Variants in ARHGAP10 observed in about 807,000 individuals in gnomAD.
ARHGAP10 encodes rho GTPase-activating protein 10.
In ARHGAP10, 87 loss-of-function variants were observed where a neutral mutation model predicts 108.6. The observed-to-expected ratio is 0.80, with a 90% CI of 0.67 to 0.96. The LOEUF (loss-of-function observed/expected upper bound fraction) is 0.96, where lower values mean the gene tolerates loss of function less well. ARHGAP10 is among the 40% of genes least tolerant of loss of function. ARHGAP10 has a pLI of 0.00. For missense variants in ARHGAP10, 939 were observed against 954.5 expected, an observed-to-expected ratio of 0.98 and a Z score of 0.21; for synonymous variants, 347 against 341.1, an observed-to-expected ratio of 1.02 and a Z score of -0.19.
intron 8 of ARHGAP10, 152 bp from the exon 9 acceptor site, chr4:147,879,080 T>G: frequency 1.9e-6 from 1 of 537,660 alleles, no homozygotes; most frequent in South Asian, 3.2e-5. Flanking sequence ...TCCCCTCTTC[T>G]TCTTAGAACT....
At chr4:147,940,460 C>G (rs1027520779) in intron 14 of ARHGAP10, among the ~76,000 whole-genome samples, 4 of 152,110 alleles carry the variant, frequency 2.6e-5, no homozygotes, top group Non-Finnish European at 4.4e-5. Context: ...ATTTCATTAC[C>G]CCAGACATTA....
At chr4:147,988,713 G>C (rs1740138105) in intron 18 of ARHGAP10, among the ~76,000 whole-genome samples, 1 of 152,216 alleles carries the variant, frequency 6.6e-6, no homozygotes, top group African/African-American at 2.4e-5. Context: ...CATTTCTTCA[G>C]AGTCAGCCTT....
At chr4:147,947,665 A>G (rs1738439247) in intron 15 of ARHGAP10, among the ~76,000 whole-genome samples, 1 of 151,934 alleles carries the variant, frequency 6.6e-6, no homozygotes, top group Non-Finnish European at 1.5e-5. Flanking sequence ...GGCCTCCCAA[A>G]GTCCTGGGAT....
rs558984337 is a variant in ARHGAP10 at position 147,960,687 on chromosome 4, G to A, written c.1451-4337G>A. ...CTTAATGAATTTTCACATGTAATCA[G>A]CCCCAGATCAAGCAATCAAACATCA... On this transcript the variant is annotated intron_variant, in intron 16 of 22. Coordinates refer to ENST00000336498, the MANE Select transcript of ARHGAP10 (RefSeq NM_024605.4). Among the ~76,000 whole-genome samples, 37 of 152,250 alleles carry A rather than the reference G, an allele frequency of 2.4e-4. No homozygotes were observed. In the South Asian group the frequency reaches 7.7e-3, roughly 32 times the overall value.
chr4:147,811,932 T>TGG (rs1469682932), intron 1 of ARHGAP10, among the ~76,000 whole-genome samples: 4 of 152,056 alleles, frequency 2.6e-5, no homozygotes, highest in African/African-American at 9.7e-5. Flanking sequence ...GTAAGCAAGG[T>TGG]GGGGGATACC....
chr4:147,832,686 G>T (rs1733004447), intron 3 of ARHGAP10, among the ~76,000 whole-genome samples: 1 of 147,030 alleles, frequency 6.8e-6, no homozygotes, highest in Non-Finnish European at 1.5e-5. Flanking sequence ...CTCATTGAGG[G>T]TGGAGTTTCT....
rs1579149238 is a variant in ARHGAP10, at chr4:147,877,198, A to G, written c.833-2034A>G. On this transcript the variant is annotated intron_variant, in intron 8 of 22. Transcript: ENST00000336498. The stretch of plus-strand genomic sequence containing the variant: ...TAAGCTTAAATTTTTTTTGGATTAA[A>G]TAGACAGTATCATCCTCTCTGGGCA... Among the ~76,000 whole-genome samples the G allele has an allele frequency of 2.0e-5, 3 of 152,036 alleles. No individual in the cohort carries two copies. The South Asian group carries it at 6.2e-4, about 32-fold the overall frequency.
At chr4:147,877,101 G>A (rs1456501486) in intron 8 of ARHGAP10, among the ~76,000 whole-genome samples, 2 of 152,168 alleles carry the variant, frequency 1.3e-5, no homozygotes, top group Non-Finnish European at 2.9e-5. Flanking sequence ...TTAAGTAGTG[G>A]AAAGACCTTG....
chr4:147,904,660 T>G (rs1171759913), intron 10 of ARHGAP10, among the ~76,000 whole-genome samples: 1 of 152,234 alleles, frequency 6.6e-6, no homozygotes, highest in Non-Finnish European at 1.5e-5. Flanking sequence ...GTTCCAAGTC[T>G]TTGCTATTGT....
At chr4:148,063,373 C>G in intron 21 of ARHGAP10, 73 bp downstream of exon 21, 1 of 1,570,512 alleles carries the variant, frequency 6.4e-7, no homozygotes, top group Non-Finnish European at 8.7e-7. Context: ...TGAGCAGGTT[C>G]TTGTGTTCTC....
intron 18 of ARHGAP10, among the ~76,000 whole-genome samples, chr4:147,998,355 A>G (rs761571655): frequency 6.6e-6 from 1 of 152,346 alleles, no homozygotes; most frequent in African/African-American, 2.4e-5. Flanking sequence ...TCAAAGAGCA[A>G]TCATCTATTC....
chr4:147,879,313 T>G lies in ARHGAP10; in HGVS notation c.914T>G (p.Phe305Cys). 1 of 1,613,986 alleles carries G rather than the reference T, an allele frequency of 6.2e-7. No homozygotes were observed. Among genetic ancestry groups the G allele is most frequent in the Non-Finnish European group, 8.5e-7 (1 of 1,179,890 alleles). The change falls in exon 9 of 23, where the codon TTT becomes TGT. Residue 305 changes from phenylalanine to cysteine, a missense_variant. Transcript: ENST00000336498. ...KAAKKFNMIP[F>C]EHRSGGKLGD... ...GCAAAGAAGTTCAACATGATCCCAT[T>G]TGAGCACAGATCTGGAGGGAAACTT...
intron 13 of ARHGAP10, among the ~76,000 whole-genome samples, chr4:147,938,806 C>T (rs1347651572): frequency 1.3e-5 from 2 of 152,072 alleles, no homozygotes; most frequent in African/African-American, 2.4e-5. Flanking sequence ...ACATTCGTAG[C>T]GGAGAAAATA....
chr4:148,060,015 A>G, intron 20 of ARHGAP10, among the ~76,000 whole-genome samples: 1 of 92,572 alleles, frequency 1.1e-5, no homozygotes, highest in Admixed American at 1.3e-4. Context: ...GGAGAGAGAG[A>G]GGGGAGAGAG....
intron 10 of ARHGAP10, among the ~76,000 whole-genome samples, chr4:147,890,204 A>G (rs966553478): frequency 4.6e-5 from 7 of 152,210 alleles, no homozygotes; most frequent in Non-Finnish European, 4.4e-5. Context: ...TCAGAGGTCC[A>G]TGAGTTGTTT....
chr4:148,012,319 T>C (rs1053745577), intron 18 of ARHGAP10, among the ~76,000 whole-genome samples: 1 of 152,276 alleles, frequency 6.6e-6, no homozygotes, highest in South Asian at 2.1e-4. Context: ...TCCAAACCAA[T>C]AGGTCATCCA....
intron 13 of ARHGAP10, among the ~76,000 whole-genome samples, chr4:147,936,816 G>A (rs1367497779): frequency 6.6e-6 from 1 of 152,198 alleles, no homozygotes; most frequent in African/African-American, 2.4e-5. Context: ...AAGTATCACA[G>A]GCTGGGTGAC....
At chr4:147,749,349 AT>A (rs1306670072) in intron 1 of ARHGAP10, among the ~76,000 whole-genome samples, 2 of 152,230 alleles carry the variant, frequency 1.3e-5, no homozygotes, top group Non-Finnish European at 2.9e-5. Context: ...CCAAGAAAAT[AT>A]TTAAAGAATT....
intron 7 of ARHGAP10, among the ~76,000 whole-genome samples, chr4:147,870,038 G>C (rs1323998602): frequency 6.6e-6 from 1 of 151,120 alleles, no homozygotes; most frequent in African/African-American, 2.4e-5. Flanking sequence ...GTGTGTGTGT[G>C]TGTGTGTTTC....
Sources: gnomAD v4.1 joint callset for allele counts (sites outside exome capture counted in the v4.1 genomes callset) on GRCh38, gnomAD v4.1.1 for gene constraint, MANE v1.5 for transcripts, NCBI Gene and HGNC (gene_info 2026-07-23, HGNC 2026-07-21) for gene names.